KLHL22: variants seen among roughly 807,000 people sequenced by gnomAD.
The protein encoded by KLHL22 is kelch like family member 22, also known as kelch-like protein 22.
A neutral mutation model predicts 60.7 loss-of-function variants in KLHL22; 18 were observed. That is an observed-to-expected ratio of 0.30 (90% confidence interval 0.20 to 0.44). The LOEUF (loss-of-function observed/expected upper bound fraction) is 0.44. Among genes scored for constraint, KLHL22 ranks in the 20% least tolerant of loss-of-function variants. The pLI is 1.00. For synonymous variants in KLHL22, 355 were observed against 354.5 expected, an observed-to-expected ratio of 1.00 and a Z score of -0.01; for missense variants, 596 against 852.3, an observed-to-expected ratio of 0.70 and a Z score of 3.74.
chr22:20,488,654 A>AG, intron 2 of KLHL22: 66 of 262,930 alleles, frequency 2.5e-4, no homozygotes, highest in Admixed American at 4.2e-4. Flanking sequence ...ACACAGCAAT[A>AG]ATTACTGACG....
At chr22:20,444,406 G>A (rs1001366019) in intron 6 of KLHL22, among the ~76,000 whole-genome samples, 9 of 152,150 alleles carry the variant, frequency 5.9e-5, no homozygotes, top group African/African-American at 2.2e-4. Context: ...TGTGGTGATA[G>A]GTTACTGAAG....
intron 1 of KLHL22, chr22:20,492,054 T>C: frequency 6.6e-6 from 1 of 152,484 alleles, no homozygotes; most frequent in Non-Finnish European, 1.5e-5. Flanking sequence ...CTGACCTCTC[T>C]CTTTCATCCC....
chr22:20,483,074 A>C (rs568337101), intron 2 of KLHL22: 40 of 658,950 alleles, frequency 6.1e-5, no homozygotes, highest in Non-Finnish European at 9.4e-5. Flanking sequence ...CTCTGACTCC[A>C]GGTGCAGCAG....
At chr22:20,493,702 ACTGCATTCCAGC>A (rs1240857655) in intron 1 of KLHL22, among the ~76,000 whole-genome samples, 6 of 152,200 alleles carry the variant, frequency 3.9e-5, no homozygotes, top group Non-Finnish European at 7.3e-5. Flanking sequence ...GAATCACGCC[ACTGCATTCCAGC>A]CTGCATGACA....
At chr22:20,454,572 C>A (rs771299973) in intron 5 of KLHL22, among the ~76,000 whole-genome samples, 1 of 152,160 alleles carries the variant, frequency 6.6e-6, no homozygotes, top group Non-Finnish European at 1.5e-5. Flanking sequence ...TACATGGCTA[C>A]AGGCAGTTGG....
intron 2 of KLHL22, among the ~76,000 whole-genome samples, chr22:20,472,610 C>T (rs2053346007): frequency 6.6e-6 from 1 of 152,160 alleles, no homozygotes; most frequent in Non-Finnish European, 1.5e-5. Flanking sequence ...CCTATCATCC[C>T]AGCTACTCAG....
At chr22:20,459,633 C>T (rs2053121235) in intron 4 of KLHL22, among the ~76,000 whole-genome samples, 2 of 152,216 alleles carry the variant, frequency 1.3e-5, no homozygotes, top group African/African-American at 4.8e-5. Context: ...TATTCCTAGA[C>T]CTCAGTGTAG....
intron 2 of KLHL22, chr22:20,483,873 T>TGCTTCCCATTCC (rs1177258133): frequency 4.5e-5 from 32 of 711,230 alleles, no homozygotes; most frequent in Non-Finnish European, 6.7e-5. Flanking sequence ...CTTCTCATTC[T>TGCTTCCCATTCC]GGATGCTTCC....
rs767750892 is a variant in KLHL22 at position 20,489,111 on chromosome 22, T to C, written c.101A>G (p.Gln34Arg). The change falls in exon 2 of 7, where the codon CAG becomes CGG. Residue 34 changes from glutamine (Q) to arginine (R), a missense_variant. Gln to Arg is a conservative substitution (Grantham distance 43). Coordinates refer to ENST00000328879, the MANE Select transcript of KLHL22 (RefSeq NM_032775.4). ...AGCCAGCAGCCCTCGGAGCAGAGCC[T>C]GGGAGTGCTGTGCGCTGCGGTAGGT... is the stretch of plus-strand genomic sequence containing the variant. The part of the protein sequence containing the change: ...NNTYRSAQHS[Q>R]ALLRGLLALR... 6.2e-6 allele frequency: 10 copies of C among 1,614,008 alleles called. No individual in the cohort carries two copies. Among genetic ancestry groups the C allele is most frequent in the Non-Finnish European group, 8.5e-6 (10 of 1,180,044 alleles).
chr22:20,467,841 G>A (rs1470270937), intron 3 of KLHL22, among the ~76,000 whole-genome samples: 2 of 152,128 alleles, frequency 1.3e-5, no homozygotes, highest in African/African-American at 4.8e-5. Flanking sequence ...TGTATTTTTA[G>A]TAGAGACGGG....
chr22:20,456,125 A>C (rs1002852568), intron 5 of KLHL22: 1 of 152,220 alleles, frequency 6.6e-6, no homozygotes, highest in East Asian at 1.9e-4. Flanking sequence ...ACATCTCCTC[A>C]GATGGACATT....
In KLHL22 at chr22:20,483,563, T is replaced by C. The variant is rs191518210; in HGVS notation, c.227+5422A>G. ...TCAATCACTTTGCGAAGCCCATGTATGTCGCTCTCCACAGACTAGTGCATG... is the reference window on the plus strand; with the variant it reads ...TCAATCACTTTGCGAAGCCCATGTACGTCGCTCTCCACAGACTAGTGCATG... On this transcript the variant is annotated intron_variant, in intron 2 of 6. Coordinates refer to ENST00000328879, the MANE Select transcript of KLHL22 (RefSeq NM_032775.4). 2.5e-4 allele frequency: 185 copies of C among 725,866 alleles called. 2 individuals carry two copies. Among genetic ancestry groups the C allele is most frequent in the African/African-American group, 2.4e-3 (139 of 57,962 alleles). The allele number at this position is 725,866 out of a possible 1,614,324, so 45.0% of individuals were successfully genotyped here.
At position 20,450,884 on chromosome 22, in the gene KLHL22, A is replaced by G. The variant is rs2052966079; in HGVS notation, c.1306-4208T>C. ...TGCAGGGATCTGGTTGATGAAGCAA[A>G]GAAGTTTCATCTGAGGCCTGAACTT... On this transcript the variant is annotated intron_variant, in intron 5 of 6. Coordinates refer to ENST00000328879, the MANE Select transcript of KLHL22 (RefSeq NM_032775.4). 9.9e-6 allele frequency: 16 copies of G among 1,612,520 alleles called. No individual in the cohort carries two copies. The African/African-American group carries it at 1.6e-4, about 16-fold the overall frequency.
intron 5 of KLHL22, chr22:20,450,692 C>A: frequency 6.8e-7 from 1 of 1,465,114 alleles, no homozygotes; most frequent in Non-Finnish European, 9.6e-7. Flanking sequence ...CAGGTGGATC[C>A]TGAAGAACCA....
intron 6 of KLHL22, among the ~76,000 whole-genome samples, chr22:20,446,022 A>T (rs983271870): frequency 6.6e-6 from 1 of 152,220 alleles, no homozygotes; most frequent in African/African-American, 2.4e-5. Context: ...TGGCTTCCCA[A>T]ACTGCTTGGA....
At chr22:20,446,032 A>G (rs2052854272) in intron 6 of KLHL22, among the ~76,000 whole-genome samples, 1 of 152,240 alleles carries the variant, frequency 6.6e-6, no homozygotes, top group Non-Finnish European at 1.5e-5. Context: ...AACTGCTTGG[A>G]TTACAGGCAT....
At chr22:20,469,445 G>T (rs773131909) in intron 3 of KLHL22, among the ~76,000 whole-genome samples, 1 of 152,216 alleles carries the variant, frequency 6.6e-6, no homozygotes, top group African/African-American at 2.4e-5. Flanking sequence ...CATGCTGGGG[G>T]AGATGTTTCA....
intron 2 of KLHL22, among the ~76,000 whole-genome samples, chr22:20,484,587 G>C (rs1416557181): frequency 6.6e-6 from 1 of 152,044 alleles, no homozygotes; most frequent in East Asian, 1.9e-4. Context: ...GAGCCACTGT[G>C]ACCAGCTCTA....
At chr22:20,493,445 T>A (rs2053721733) in intron 1 of KLHL22, among the ~76,000 whole-genome samples, 1 of 152,216 alleles carries the variant, frequency 6.6e-6, no homozygotes, top group Non-Finnish European at 1.5e-5. Context: ...GGAGAACAGA[T>A]GTCATGGCAC....
Sources: gnomAD v4.1 joint callset for allele counts (sites outside exome capture counted in the v4.1 genomes callset) on GRCh38, gnomAD v4.1.1 for gene constraint, MANE v1.5 for transcripts, NCBI Gene and HGNC (gene_info 2026-07-23, HGNC 2026-07-21) for gene names.